The following ST6GALNAC5 variants were observed in gnomAD, a reference collection of about 807,000 sequenced individuals.
ST6GALNAC5 encodes ST6 N-acetylgalactosaminide alpha-2,6-sialyltransferase 5.
Under a neutral mutation model 33.6 loss-of-function variants are expected in ST6GALNAC5, and 27 were observed. The observed-to-expected ratio is 0.80, with a 90% CI of 0.59 to 1.11. The LOEUF (loss-of-function observed/expected upper bound fraction) is 1.11, where lower values mean the gene tolerates loss of function less well. Among genes scored for constraint, ST6GALNAC5 ranks in the 50% least tolerant of loss-of-function variants. ST6GALNAC5 has a pLI of 0.00. For synonymous variants in ST6GALNAC5, 194 were observed against 171.2 expected, an observed-to-expected ratio of 1.13 and a Z score of -1.04; for missense variants, 428 against 454.0, an observed-to-expected ratio of 0.94 and a Z score of 0.52.
At chr1:77,009,065 G>T (rs991809125) in intron 2 of ST6GALNAC5, among the ~76,000 whole-genome samples, 1 of 152,134 alleles carries the variant, frequency 6.6e-6, no homozygotes, top group Non-Finnish European at 1.5e-5. Context: ...CAACTTTTCT[G>T]TAACACTGAA....
intron 2 of ST6GALNAC5, among the ~76,000 whole-genome samples, chr1:76,912,399 C>T (rs905872074): frequency 1.3e-4 from 20 of 152,056 alleles, no homozygotes; most frequent in Non-Finnish European, 2.4e-4. Flanking sequence ...AATGTATATT[C>T]TGTTGATTTG....
chr1:76,892,403 A>T (rs1295149949), intron 2 of ST6GALNAC5, among the ~76,000 whole-genome samples: 1 of 152,066 alleles, frequency 6.6e-6, no homozygotes, highest in Non-Finnish European at 1.5e-5. Context: ...GTGATTTTCC[A>T]TTTGCCCTGG....
chr1:76,929,294 A>G (rs1440488945), intron 2 of ST6GALNAC5, among the ~76,000 whole-genome samples: 1 of 152,140 alleles, frequency 6.6e-6, no homozygotes, highest in Non-Finnish European at 1.5e-5. Context: ...TGGTCCCAGC[A>G]TTTTGAGAGG....
chr1:76,972,633 CAT>C (rs1341018860), intron 2 of ST6GALNAC5, among the ~76,000 whole-genome samples: 1 of 152,118 alleles, frequency 6.6e-6, no homozygotes, highest in African/African-American at 2.4e-5. Context: ...AACCTACAAA[CAT>C]AATACAGATG....
intron 2 of ST6GALNAC5, among the ~76,000 whole-genome samples, chr1:76,968,450 C>G (rs970434220): frequency 6.6e-6 from 1 of 152,054 alleles, no homozygotes; most frequent in African/African-American, 2.4e-5. Flanking sequence ...TTCCTCCATC[C>G]CTTTATTTTG....
At chr1:76,928,148 G>T (rs1164121041) in intron 2 of ST6GALNAC5, among the ~76,000 whole-genome samples, 2 of 151,954 alleles carry the variant, frequency 1.3e-5, no homozygotes, top group Non-Finnish European at 2.9e-5. Context: ...TGCCAGTCAG[G>T]GTGAAATATA....
intron 4 of ST6GALNAC5, among the ~76,000 whole-genome samples, chr1:77,058,744 G>T (rs546385829): frequency 2.6e-5 from 4 of 152,324 alleles, no homozygotes; most frequent in East Asian, 3.9e-4. Flanking sequence ...AGTGTATGTG[G>T]AGTGCTGAGC....
chr1:76,976,894 C>T (rs1047784982), intron 2 of ST6GALNAC5, among the ~76,000 whole-genome samples: 1 of 152,062 alleles, frequency 6.6e-6, no homozygotes, highest in Non-Finnish European at 1.5e-5. Context: ...CTAATTCAAT[C>T]CTTCTCAAAC....
chr1:76,989,485 G>C (rs1649639116), intron 2 of ST6GALNAC5, among the ~76,000 whole-genome samples: 1 of 151,852 alleles, frequency 6.6e-6, no homozygotes, highest in African/African-American at 2.4e-5. Flanking sequence ...CATTGGTATG[G>C]TAATATTTTA....
chr1:77,036,955 G>C (rs1651665441), intron 2 of ST6GALNAC5, among the ~76,000 whole-genome samples: 1 of 152,188 alleles, frequency 6.6e-6, no homozygotes, highest in Non-Finnish European at 1.5e-5. Context: ...GAGTGGTCAA[G>C]GAAAGCCTCC....
At chr1:76,908,307 A>G (rs1646882719) in intron 2 of ST6GALNAC5, among the ~76,000 whole-genome samples, 1 of 152,102 alleles carries the variant, frequency 6.6e-6, no homozygotes, top group South Asian at 2.1e-4. Flanking sequence ...TTCCTGGTTC[A>G]TGGATGGGGG....
chr1:76,886,740 C>T (rs375028989), intron 2 of ST6GALNAC5, among the ~76,000 whole-genome samples: 1 of 152,160 alleles, frequency 6.6e-6, no homozygotes, highest in East Asian at 1.9e-4. Flanking sequence ...AACTTCAATT[C>T]TACTTTCTGT....
intron 2 of ST6GALNAC5, among the ~76,000 whole-genome samples, chr1:76,939,681 C>T (rs540796707): frequency 6.6e-6 from 1 of 152,210 alleles, no homozygotes; most frequent in Admixed American, 6.5e-5. Context: ...GATCTGTACG[C>T]ATAGTGGTTA....
intron 2 of ST6GALNAC5, among the ~76,000 whole-genome samples, chr1:77,011,902 C>T (rs889800800): frequency 6.6e-6 from 1 of 152,080 alleles, no homozygotes; most frequent in African/African-American, 2.4e-5. Flanking sequence ...CTTTTACATA[C>T]ATTATCGCAA....
intron 2 of ST6GALNAC5, among the ~76,000 whole-genome samples, chr1:76,970,457 T>C (rs1048278468): frequency 8.6e-5 from 13 of 151,802 alleles, no homozygotes; most frequent in African/African-American, 3.1e-4. Flanking sequence ...AAGGTATCAG[T>C]GATTGAAGAT....
chr1:77,001,024 T>C (rs1570076516), intron 2 of ST6GALNAC5, among the ~76,000 whole-genome samples: 1 of 151,754 alleles, frequency 6.6e-6, no homozygotes, highest in East Asian at 1.9e-4. Context: ...TCCAATTCTG[T>C]GAAGAAAGTC....
chr1:77,020,309 T>A (rs901527202), intron 2 of ST6GALNAC5, among the ~76,000 whole-genome samples: 4 of 152,190 alleles, frequency 2.6e-5, no homozygotes, highest in Non-Finnish European at 5.9e-5. Flanking sequence ...GTCCAAAGTA[T>A]TTTTAGCTTC....
At chr1:76,945,025 T>C (rs777810226) in intron 2 of ST6GALNAC5, among the ~76,000 whole-genome samples, 18 of 152,232 alleles carry the variant, frequency 1.2e-4, no homozygotes, top group Non-Finnish European at 1.9e-4. Context: ...GAAGGTCTTC[T>C]GGGAAATCAG....
In ST6GALNAC5 at chr1:76,943,085, C is replaced by T. The variant is rs188808998; in HGVS notation, c.261+74343C>T. Among the ~76,000 whole-genome samples the T allele has an allele frequency of 8.8e-4, 134 of 152,182 alleles. 1 individual carries two copies. Among genetic ancestry groups the T allele is most frequent in the Non-Finnish European group, 1.6e-3 (108 of 67,984 alleles). ...TTACAGGCAACTTTTGTCTCCTCTC[C>T]TTCCTCTAGCCACAGTTAATGTTTG... On this transcript the variant is annotated intron_variant, in intron 2 of 4. Coordinates refer to ENST00000477717, the MANE Select transcript of ST6GALNAC5 (RefSeq NM_030965.3).
Sources: gnomAD v4.1 joint callset for allele counts (sites outside exome capture counted in the v4.1 genomes callset) on GRCh38, gnomAD v4.1.1 for gene constraint, MANE v1.5 for transcripts, NCBI Gene and HGNC (gene_info 2026-07-23, HGNC 2026-07-21) for gene names.